Variants in AMBRA1 observed in about 807,000 individuals in gnomAD.
The protein encoded by AMBRA1 is autophagy and beclin 1 regulator 1, also known as activating molecule in BECN1-regulated autophagy protein 1.
Under a neutral mutation model 125.4 loss-of-function variants are expected in AMBRA1, and 47 were observed. That is an observed-to-expected ratio of 0.37 (90% CI 0.30 to 0.48). The LOEUF (loss-of-function observed/expected upper bound fraction) is 0.48, where lower values mean the gene tolerates loss of function less well. AMBRA1 is among the 20% of genes least tolerant of loss of function. The pLI is 0.99. For synonymous variants in AMBRA1, 626 were observed against 655.5 expected, an observed-to-expected ratio of 0.95 and a Z score of 0.69; for missense variants, 1,331 against 1,693.4, an observed-to-expected ratio of 0.79 and a Z score of 3.76.
chr11:46,555,348 T>A (rs1188753814), intron 1 of AMBRA1, among the ~76,000 whole-genome samples: 2 of 152,242 alleles, frequency 1.3e-5, no homozygotes, highest in Non-Finnish European at 2.9e-5. Context: ...GGAATTTTAC[T>A]CCACCTTCTA....
chr11:46,513,663 T>A (rs927038838), intron 7 of AMBRA1, among the ~76,000 whole-genome samples: 2 of 152,174 alleles, frequency 1.3e-5, no homozygotes, highest in African/African-American at 4.8e-5. Flanking sequence ...ATCTCTATTT[T>A]GTACTGCAAG....
At chr11:46,553,605 C>T (rs1002751618) in intron 1 of AMBRA1, among the ~76,000 whole-genome samples, 43 of 151,942 alleles carry the variant, frequency 2.8e-4, no homozygotes, top group African/African-American at 9.2e-4. Context: ...ATTAGCCAGG[C>T]GTGGTAGCTC....
Position 46,543,360 on chromosome 11 carries a change from T to A in AMBRA1, c.657A>T (p.Glu219Asp). ...GGGCACGCTGACGGTAGTGGGATAATTCTGTTCCATCTATGGGGATCTCTG... is the reference window on the plus strand; with the variant it reads ...GGGCACGCTGACGGTAGTGGGATAAATCTGTTCCATCTATGGGGATCTCTG... ...DEPEIPIDGT[E>D]LSHYRQRALL... is the part of the protein sequence containing the mutation. Residue 219 changes from glutamate (E) to aspartate (D), a missense_variant, in exon 7 of 18, where the codon GAA becomes GAT. Transcript: ENST00000683756. 1.2e-6 allele frequency: 2 copies of A among 1,613,954 alleles called. No homozygotes were observed. The highest frequency in any genetic ancestry group is 1.7e-6 in the Non-Finnish European group (2 of 1,179,966).
chr11:46,446,284 T>C lies in AMBRA1; in HGVS notation c.2522-2686A>G, dbSNP rs564006256. ...ACCAGGTTCTTTTCTTCAAGAACTG[T>C]AGGCCAACTGAGCCTGTCTCTTGGA... On this transcript the variant is annotated intron_variant, in intron 11 of 17. Transcript: ENST00000683756. Among the ~76,000 whole-genome samples the C allele has an allele frequency of 2.6e-5, 4 of 152,298 alleles. No individual in the cohort carries two copies. The South Asian group carries it at 8.3e-4, about 32-fold the overall frequency.
chr11:46,523,343 T>C (rs2135101249), intron 7 of AMBRA1, among the ~76,000 whole-genome samples: 1 of 152,290 alleles, frequency 6.6e-6, no homozygotes, highest in Middle Eastern at 3.4e-3. Flanking sequence ...AAATAATTTC[T>C]CCACCATTTC....
intron 11 of AMBRA1, among the ~76,000 whole-genome samples, chr11:46,487,695 A>G (rs1554984844): frequency 6.6e-6 from 1 of 152,190 alleles, no homozygotes; most frequent in Non-Finnish European, 1.5e-5. Flanking sequence ...AAAGGAATTT[A>G]AAAGACACAT....
At position 46,399,364 on chromosome 11, in the gene AMBRA1, G is replaced by A. The variant is rs188745961; in HGVS notation, c.3404-1421C>T. Among the ~76,000 whole-genome samples, 228 of 152,146 alleles carry A rather than the reference G, an allele frequency of 1.5e-3. 1 individual carries two copies. Among genetic ancestry groups the A allele is most frequent in the African/African-American group, 5.1e-3 (212 of 41,482 alleles). On this transcript the variant is annotated intron_variant, in intron 17 of 17. Transcript: ENST00000683756. ...GCTGGGATTATAGGCATGAGCCACCGTGCCCAGCCTTTGTTTTTTGAGATG... is the reference window on the plus strand; with the variant it reads ...GCTGGGATTATAGGCATGAGCCACCATGCCCAGCCTTTGTTTTTTGAGATG...
intron 11 of AMBRA1, chr11:46,491,079 C>T (rs1950442244): frequency 6.6e-6 from 1 of 152,138 alleles, no homozygotes; most frequent in Non-Finnish European, 1.5e-5. Context: ...AGGGCGGTTA[C>T]ATAATAAGAT....
chr11:46,473,863 G>A (rs1207037423), intron 11 of AMBRA1, among the ~76,000 whole-genome samples: 4 of 152,208 alleles, frequency 2.6e-5, no homozygotes, highest in South Asian at 2.1e-4. Flanking sequence ...TGTTAGCCAC[G>A]ATGGTCTCGA....
At chr11:46,494,406 T>A (rs1264883788) in intron 9 of AMBRA1, among the ~76,000 whole-genome samples, 1 of 152,168 alleles carries the variant, frequency 6.6e-6, no homozygotes, top group Non-Finnish European at 1.5e-5. Flanking sequence ...TTTATGAGCA[T>A]TTACCAACAG....
intron 6 of AMBRA1, 137 bp from the exon 7 acceptor site, chr11:46,543,535 C>A: frequency 9.1e-7 from 1 of 1,099,604 alleles, no homozygotes; most frequent in Non-Finnish European, 1.3e-6. Flanking sequence ...CTCTCTACCC[C>A]TGAAGCACTG....
intron 8 of AMBRA1, 148 bp from the exon 9 acceptor site, chr11:46,508,518 A>C: frequency 1.3e-6 from 1 of 761,870 alleles, no homozygotes; most frequent in Non-Finnish European, 2.1e-6. Flanking sequence ...TCAACTCACC[A>C]GGAGGTTTGC....
Position 46,429,625 on chromosome 11 carries a change from A to G in AMBRA1, c.2976+3849T>C, listed in dbSNP as rs556037307. ...ACAAACTAAAGGAAGAATGTGGTAT[A>G]TGACTCTTTCTGGTTTCATCAGTAA... On this transcript the variant is annotated intron_variant, in intron 14 of 17. Transcript: ENST00000683756. 1.2e-4 allele frequency among the ~76,000 whole-genome samples: 18 copies of G among 152,314 alleles called. No homozygotes were observed. The South Asian group carries it at 3.5e-3, about 30-fold the overall frequency.
At chr11:46,423,191 G>A (rs952952614) in intron 14 of AMBRA1, among the ~76,000 whole-genome samples, 12 of 152,088 alleles carry the variant, frequency 7.9e-5, no homozygotes, top group African/African-American at 2.9e-4. Flanking sequence ...GTGGCAGTGG[G>A]AGAAATACCT....
intron 16 of AMBRA1, 143 bp from the exon 17 acceptor site, chr11:46,408,849 T>C: frequency 1.5e-6 from 1 of 675,190 alleles, no homozygotes; most frequent in East Asian, 3.3e-5. Flanking sequence ...TGCAACTACA[T>C]CTTGATGGTG....
intron 7 of AMBRA1, among the ~76,000 whole-genome samples, chr11:46,533,121 C>A (rs1952293560): frequency 6.6e-6 from 1 of 151,796 alleles, no homozygotes; most frequent in Non-Finnish European, 1.5e-5. Flanking sequence ...CAAGATTGCA[C>A]CACTGCACTC....
chr11:46,471,781 C>A (rs1219391788), intron 11 of AMBRA1, among the ~76,000 whole-genome samples: 1 of 151,760 alleles, frequency 6.6e-6, no homozygotes, highest in Admixed American at 6.6e-5. Context: ...GCACGCGTCA[C>A]CATGCCCAGC....
chr11:46,542,271 C>G lies in AMBRA1; in HGVS notation c.1746G>C (p.Leu582=). 6.2e-7 allele frequency: 1 copy of G among 1,614,062 alleles called. No individual in the cohort carries two copies. The highest frequency in any genetic ancestry group is 1.1e-5 in the South Asian group (1 of 91,086). ...HNLLTFNNDT[L]RWERTTPNYS... The stretch of plus-strand genomic sequence containing the variant: ...AGTTAGGTGTGGTTCTTTCCCAGCG[C>G]AGGGTATCGTTGTTGAAGGTCAGGA... The change falls in exon 7 of 18, where the codon CTG becomes CTC. Residue 582 remains leucine, a synonymous_variant. Transcript: ENST00000683756. This position sits in a 1 kb window ranked among gnomAD's most constrained non-coding sequence, Gnocchi z 5.9.
intron 11 of AMBRA1, among the ~76,000 whole-genome samples, chr11:46,454,873 CT>C (rs1008795533): frequency 0.048 from 6,502 of 134,362 alleles, 113 homozygotes; most frequent in Middle Eastern, 0.062. Context: ...CTGGTATTAG[CT>C]TTTTTTTTTT....
Sources: allele counts gnomAD v4.1 joint callset (sites outside exome capture counted in the v4.1 genomes callset), GRCh38; gene constraint gnomAD v4.1.1; non-coding constraint Gnocchi (gnomAD v3.1); transcripts MANE v1.5; gene names NCBI Gene and HGNC (gene_info 2026-07-23, HGNC 2026-07-21).